The following MAN2A1 variants were observed in gnomAD, a reference collection of about 807,000 sequenced individuals.
MAN2A1 encodes alpha-mannosidase 2.
Under a neutral mutation model 142.6 loss-of-function variants are expected in MAN2A1, and 76 were observed. The observed-to-expected ratio is 0.53, with a 90% CI of 0.44 to 0.65. The LOEUF is 0.65. MAN2A1 is among the 30% of genes least tolerant of loss of function. The pLI is 0.00. For synonymous variants in MAN2A1, 559 were observed against 473.2 expected (o/e 1.18, Z -2.35); for missense variants, 1,311 against 1,365.1 (o/e 0.96, Z 0.62).
intron 4 of MAN2A1, among the ~76,000 whole-genome samples, chr5:109,753,123 A>T (rs1022492196): frequency 6.6e-6 from 1 of 152,154 alleles, no homozygotes; most frequent in Non-Finnish European, 1.5e-5. Flanking sequence ...AAATTTTCCA[A>T]AAGATCTATT....
At chr5:109,861,884 G>A (rs1248646951) in intron 20 of MAN2A1, among the ~76,000 whole-genome samples, 1 of 152,160 alleles carries the variant, frequency 6.6e-6, no homozygotes, top group Admixed American at 6.5e-5. Context: ...GAAGACTAAG[G>A]GCTAATCCAG....
At chr5:109,739,854 G>A (rs1752216940) in intron 4 of MAN2A1, among the ~76,000 whole-genome samples, 1 of 152,198 alleles carries the variant, frequency 6.6e-6, no homozygotes, top group African/African-American at 2.4e-5. Flanking sequence ...AGACAAGTCA[G>A]CTGTGACCTG....
intron 4 of MAN2A1, among the ~76,000 whole-genome samples, chr5:109,747,328 G>T (rs1431879955): frequency 1.3e-5 from 2 of 152,016 alleles, no homozygotes; most frequent in Non-Finnish European, 2.9e-5. Context: ...TTCTGTATGT[G>T]TGCTTCTTGT....
intron 21 of MAN2A1, 48 bp downstream of exon 21, chr5:109,865,194 C>A: frequency 7.8e-7 from 1 of 1,279,634 alleles, no homozygotes; most frequent in Non-Finnish European, 1.1e-6. Flanking sequence ...GCTTTGAAAT[C>A]CTCTTTCTGC....
intron 12 of MAN2A1, among the ~76,000 whole-genome samples, chr5:109,801,711 T>G (rs1754036885): frequency 6.6e-6 from 1 of 152,248 alleles, no homozygotes; most frequent in Middle Eastern, 3.4e-3. Context: ...ACTGAATAAA[T>G]CAGTAATGGT....
intron 4 of MAN2A1, among the ~76,000 whole-genome samples, chr5:109,746,731 C>G (rs1347706761): frequency 6.6e-6 from 1 of 152,132 alleles, no homozygotes; most frequent in Non-Finnish European, 1.5e-5. Flanking sequence ...TTTGTCATCA[C>G]CCCAAATGCA....
At chr5:109,731,460 A>T (rs1183955556) in intron 4 of MAN2A1, among the ~76,000 whole-genome samples, 3 of 149,740 alleles carry the variant, frequency 2.0e-5, no homozygotes, top group Non-Finnish European at 4.4e-5. Flanking sequence ...TGCTGCACCC[A>T]TTAACTCGTC....
intron 16 of MAN2A1, among the ~76,000 whole-genome samples, chr5:109,828,968 A>G (rs1754832946): frequency 6.6e-6 from 1 of 152,184 alleles, no homozygotes; most frequent in Non-Finnish European, 1.5e-5. Context: ...CTTGGCTTTT[A>G]GAGAATCAAA....
intron 5 of MAN2A1, among the ~76,000 whole-genome samples, chr5:109,758,259 A>G (rs1189024974): frequency 6.6e-6 from 1 of 152,034 alleles, no homozygotes; most frequent in Non-Finnish European, 1.5e-5. Context: ...TTTGATTTGC[A>G]TTTTCCTAAA....
At chr5:109,841,385 A>C (rs1755200863) in intron 16 of MAN2A1, among the ~76,000 whole-genome samples, 1 of 152,180 alleles carries the variant, frequency 6.6e-6, no homozygotes, top group African/African-American at 2.4e-5. Context: ...TATCAGTGAG[A>C]ACATACAGTG....
chr5:109,792,868 A>G (rs1203695832), intron 12 of MAN2A1, among the ~76,000 whole-genome samples: 42 of 152,138 alleles, frequency 2.8e-4, no homozygotes, highest in Non-Finnish European at 8.8e-5. Flanking sequence ...CTCTAACCAT[A>G]GTGGCTGGTT....
intron 1 of MAN2A1, among the ~76,000 whole-genome samples, chr5:109,701,273 C>T (rs1225047904): frequency 6.6e-6 from 1 of 152,186 alleles, no homozygotes; most frequent in Non-Finnish European, 1.5e-5. Flanking sequence ...TAAGCTTTCC[C>T]TATGGGACGA....
chr5:109,754,273 GA>G (rs1752623580), intron 4 of MAN2A1, among the ~76,000 whole-genome samples: 1 of 151,700 alleles, frequency 6.6e-6, no homozygotes, highest in Non-Finnish European at 1.5e-5. Context: ...AATAGTTAAT[GA>G]TTTTTTTTTT....
In MAN2A1 at chr5:109,713,578, A is replaced by G. The variant is rs889470998; in HGVS notation, c.194A>G (p.Asn65Ser). Residue 65 changes from asparagine to serine, a missense_variant, in exon 2 of 22, where the codon AAT becomes AGT. This residue lies in a region of MAN2A1 where 409 missense variants were observed against 412.7 expected (regional missense o/e 0.99). Coordinates refer to ENST00000261483, the MANE Select transcript of MAN2A1 (RefSeq NM_002372.4). ...CATTTGGAGCGTTTGCTAGCTGAGA[A>G]TAATGAGATCATCTCAAATATTAGA... ...IDHLERLLAE[N>S]NEIISNIRDS... 1.2e-6 allele frequency: 2 copies of G among 1,613,996 alleles called. No homozygotes were observed. Among genetic ancestry groups the G allele is most frequent in the Non-Finnish European group, 1.7e-6 (2 of 1,179,818 alleles).
intron 20 of MAN2A1, chr5:109,863,533 G>T (rs1181306919): frequency 1.3e-5 from 2 of 152,228 alleles, no homozygotes; most frequent in African/African-American, 4.8e-5. Context: ...CTACAAGGCA[G>T]TGTGAAGCTA....
At chr5:109,861,528 C>CG (rs1755759689) in intron 20 of MAN2A1, among the ~76,000 whole-genome samples, 1 of 152,158 alleles carries the variant, frequency 6.6e-6, no homozygotes, top group African/African-American at 2.4e-5. Flanking sequence ...CTAAAATTGT[C>CG]TGTTTGCCAG....
intron 16 of MAN2A1, among the ~76,000 whole-genome samples, chr5:109,829,870 C>G (rs998350489): frequency 6.6e-6 from 1 of 152,062 alleles, no homozygotes; most frequent in Non-Finnish European, 1.5e-5. Flanking sequence ...TTGGTGTAGT[C>G]TTCGTCTTCT....
intron 12 of MAN2A1, among the ~76,000 whole-genome samples, chr5:109,791,197 T>C (rs185226471): frequency 6.6e-6 from 1 of 152,168 alleles, no homozygotes; most frequent in Non-Finnish European, 1.5e-5. Context: ...TTATCAAATA[T>C]TGACTTCCTA....
chr5:109,750,955 G>A (rs942237104), intron 4 of MAN2A1, among the ~76,000 whole-genome samples: 2 of 152,026 alleles, frequency 1.3e-5, no homozygotes, highest in Non-Finnish European at 1.5e-5. Context: ...CCATCACCTT[G>A]AGTATCATTT....
Sources: allele counts gnomAD v4.1 joint callset (sites outside exome capture counted in the v4.1 genomes callset), GRCh38; gene constraint gnomAD v4.1.1; regional missense constraint gnomAD v4.1.1; transcripts MANE v1.5; gene names NCBI Gene and HGNC (gene_info 2026-07-23, HGNC 2026-07-21).